C1orf87: variants seen among roughly 807,000 people sequenced by gnomAD.
C1orf87 encodes the protein uncharacterized protein C1orf87.
A neutral mutation model predicts 60.5 loss-of-function variants in C1orf87; 58 were observed. The observed-to-expected ratio is 0.96, with a 90% CI of 0.78 to 1.19. The LOEUF (loss-of-function observed/expected upper bound fraction) is 1.19, where lower values mean the gene tolerates loss of function less well. Among genes scored for constraint, C1orf87 ranks in the 50% most tolerant of loss-of-function variants. The pLI, the probability that C1orf87 is intolerant of heterozygous loss-of-function variation, is 0.00. For missense variants in C1orf87, 673 were observed against 638.6 expected, an observed-to-expected ratio of 1.05 and a Z score of -0.58; for synonymous variants, 236 against 227.4, an observed-to-expected ratio of 1.04 and a Z score of -0.34.
intron 8 of C1orf87, among the ~76,000 whole-genome samples, chr1:60,011,707 G>C (rs906284954): frequency 3.3e-5 from 5 of 152,058 alleles, no homozygotes; most frequent in African/African-American, 1.2e-4. Flanking sequence ...TTAAAGAAAA[G>C]TTCTAATGTC....
intron 6 of C1orf87, among the ~76,000 whole-genome samples, chr1:60,034,798 C>T (rs927266858): frequency 6.6e-6 from 1 of 152,176 alleles, no homozygotes; most frequent in African/African-American, 2.4e-5. Flanking sequence ...GTCTGACTTC[C>T]TCCCTGGTAG....
chr1:60,008,005 G>T (rs1018210250), intron 9 of C1orf87, among the ~76,000 whole-genome samples: 3 of 151,828 alleles, frequency 2.0e-5, no homozygotes, highest in African/African-American at 7.3e-5. Flanking sequence ...TGGAGCTAAA[G>T]AATAGACAGA....
At chr1:60,002,042 C>T (rs559561057) in intron 9 of C1orf87, among the ~76,000 whole-genome samples, 29 of 152,206 alleles carry the variant, frequency 1.9e-4, no homozygotes, top group South Asian at 1.0e-3. Context: ...TGCAAGTCTG[C>T]GGATGACTGT....
intron 3 of C1orf87, among the ~76,000 whole-genome samples, chr1:60,049,998 AAT>A: frequency 6.6e-6 from 1 of 152,144 alleles, no homozygotes; most frequent in Non-Finnish European, 1.5e-5. Flanking sequence ...CACTATTTTA[AAT>A]ATAGAGACTT....
Position 60,062,480 on chromosome 1 carries a change from C to T in C1orf87, c.108-7042G>A, listed in dbSNP as rs560235313. On this transcript the variant is annotated intron_variant, in intron 2 of 11. Coordinates refer to ENST00000371201, the MANE Select transcript of C1orf87 (RefSeq NM_152377.3). ...ACACAGTATCATATGAGTATTTTCT[C>T]TAAACACCTGCCAGCACTGGGTATC... Among the ~76,000 whole-genome samples, 12 of 152,238 alleles carry T rather than the reference C, an allele frequency of 7.9e-5. No homozygotes were observed. In the South Asian group the frequency reaches 2.3e-3, roughly 29 times the overall value.
In C1orf87 at chr1:60,005,782, T is replaced by TGTGTGTGTGC. The variant is rs565931450; in HGVS notation, c.1192+4600_1192+4609dup. On this transcript the variant is annotated intron_variant, in intron 9 of 11. Transcript: ENST00000371201. The stretch of plus-strand genomic sequence containing the variant: ...ACTGAAGCTGATTCGTGTGTGTGTG[T>TGTGTGTGTGC]GTGTGTGTGCTTCTCAGCATTCTTT... Among the ~76,000 whole-genome samples, 14 of 150,744 alleles carry TGTGTGTGTGC rather than the reference T, an allele frequency of 9.3e-5. No homozygotes were observed. The South Asian group carries it at 2.7e-3, about 29-fold the overall frequency.
intron 3 of C1orf87, among the ~76,000 whole-genome samples, chr1:60,049,355 CA>C (rs1449898446): frequency 2.6e-5 from 4 of 152,080 alleles, no homozygotes; most frequent in Non-Finnish European, 5.9e-5. Context: ...TTATTAAAAG[CA>C]AGTCCACATC....
chr1:60,020,302 G>C (rs1345756486), intron 8 of C1orf87, among the ~76,000 whole-genome samples: 1 of 152,144 alleles, frequency 6.6e-6, no homozygotes, highest in Non-Finnish European at 1.5e-5. Flanking sequence ...GCACTGCCTA[G>C]TGGGGTTTGA....
chr1:60,054,185 G>C (rs961067745), intron 3 of C1orf87, among the ~76,000 whole-genome samples: 3 of 152,158 alleles, frequency 2.0e-5, no homozygotes, highest in Admixed American at 6.5e-5. Context: ...AGCCAAACTG[G>C]AGACTAAGAG....
At chr1:60,018,882 A>G (rs969101383) in intron 8 of C1orf87, among the ~76,000 whole-genome samples, 1 of 152,186 alleles carries the variant, frequency 6.6e-6, no homozygotes, top group Non-Finnish European at 1.5e-5. Context: ...GTGATATGCC[A>G]TATATTCTAA....
At chr1:60,000,929 A>G (rs549050968) in intron 10 of C1orf87, 148 bp downstream of exon 10, 14 of 645,732 alleles carry the variant, frequency 2.2e-5, no homozygotes, top group African/African-American at 2.1e-4. Context: ...TTCTTTGCCC[A>G]AGGAGAGTCT....
chr1:60,065,030 AT>A (rs1557482281), intron 2 of C1orf87, among the ~76,000 whole-genome samples: 2 of 113,874 alleles, frequency 1.8e-5, no homozygotes, highest in Non-Finnish European at 3.4e-5. Context: ...TATATATTTA[AT>A]ATATATATTT....
At chr1:60,064,599 AT>A (rs1397014432) in intron 2 of C1orf87, among the ~76,000 whole-genome samples, 1 of 106,372 alleles carries the variant, frequency 9.4e-6, no homozygotes, top group Non-Finnish European at 1.8e-5. Context: ...TAATATATAT[AT>A]GTCCTATATA....
rs1416034287 is a variant in C1orf87, at chr1:60,025,429, G to T, written c.1099C>A (p.Gln367Lys). Reference protein sequence around the residue: ...LSLLETLLNHQDLGYQNEIKW... With the variant: ...LSLLETLLNHKDLGYQNEIKW... ...ATTTCATTTTGGTAACCCAAATCTT[G>T]ATGGTTAAGCAATGTTTCCAGCAGG... The change falls in exon 8 of 12, where the codon CAA (glutamine) becomes AAA (lysine). Residue 367 changes from glutamine (Q) to lysine (K), a missense_variant. Gln to Lys is a moderately conservative substitution (Grantham distance 53). Coordinates refer to ENST00000371201, the MANE Select transcript of C1orf87 (RefSeq NM_152377.3). The T allele has an allele frequency of 2.5e-6, 4 of 1,613,238 alleles. No individual in the cohort carries two copies. In the South Asian group the frequency reaches 3.3e-5, roughly 13 times the overall value.
chr1:60,055,140 A>G, intron 3 of C1orf87, 64 bp downstream of exon 3: 9 of 1,367,442 alleles, frequency 6.6e-6, no homozygotes, highest in African/African-American at 1.4e-5. Flanking sequence ...GTGTGAACCT[A>G]TGTTTTTATC....
chr1:60,046,410 C>T (rs1645371192), intron 3 of C1orf87, among the ~76,000 whole-genome samples: 1 of 137,230 alleles, frequency 7.3e-6, no homozygotes, highest in Non-Finnish European at 1.6e-5. Context: ...CCCTTCCTCC[C>T]CTCCCTCCCT....
intron 9 of C1orf87, among the ~76,000 whole-genome samples, chr1:60,003,893 C>T (rs1439582974): frequency 6.6e-6 from 1 of 151,888 alleles, no homozygotes; most frequent in Admixed American, 6.6e-5. Context: ...TCATATCTAC[C>T]CCAGATGCTA....
intron 3 of C1orf87, among the ~76,000 whole-genome samples, chr1:60,047,732 C>CA (rs11415374): frequency 0.36 from 52,181 of 145,696 alleles, 9,588 homozygotes; most frequent in Admixed American, 0.44. Context: ...ATAGCAAGTC[C>CA]AAAAAAAAAA....
At chr1:60,064,623 TATATATAA>T (rs1479918573) in intron 2 of C1orf87, among the ~76,000 whole-genome samples, 1 of 34,248 alleles carries the variant, frequency 2.9e-5, no homozygotes, top group Non-Finnish European at 6.4e-5. Flanking sequence ...AAATATATCA[TATATATAA>T]ATATATATGA....
Sources: allele counts gnomAD v4.1 joint callset (sites outside exome capture counted in the v4.1 genomes callset), GRCh38; gene constraint gnomAD v4.1.1; transcripts MANE v1.5; gene names NCBI Gene and HGNC (gene_info 2026-07-23, HGNC 2026-07-21).